TPST1: variants seen among roughly 807,000 people sequenced by gnomAD.
TPST1 encodes protein-tyrosine sulfotransferase 1.
TPST1 carries 20 observed loss-of-function variants against 34.8 expected under a neutral mutation model. The ratio of observed to expected loss-of-function variants is 0.57; its 90% CI spans 0.40 to 0.84. The LOEUF is 0.84. Ranked by LOEUF, TPST1 falls within the 40% of genes least tolerant of loss-of-function variation. The probability of loss-of-function intolerance (pLI) is 0.00; values close to 1 mark genes in which losing one functional copy is unlikely to be tolerated. For synonymous variants in TPST1, 152 were observed against 159.4 expected (o/e 0.95, Z 0.35); for missense variants, 353 against 455.5 (o/e 0.78, Z 2.05).
At chr7:66,241,714 A>G (rs1255020200) in intron 2 of TPST1, among the ~76,000 whole-genome samples, 1 of 152,242 alleles carries the variant, frequency 6.6e-6, no homozygotes, top group African/African-American at 2.4e-5. Flanking sequence ...TAATGAGCAC[A>G]TAGTGAATTA....
At position 66,233,754 on chromosome 7, in the gene TPST1, A is replaced by G. The variant is rs141839837; in HGVS notation, c.-101-6571A>G. 4.4e-3 allele frequency among the ~76,000 whole-genome samples: 664 copies of G among 152,302 alleles called. 7 individuals are homozygous for G. Among genetic ancestry groups the G allele is most frequent in the South Asian group, 0.013 (63 of 4,820 alleles). ...CCTGACTACGTCTATCATAAAATTC[A>G]TATCTTTAACTTGACCTACAAGATT... On this transcript the variant is annotated intron_variant, in intron 1 of 5. Coordinates refer to ENST00000304842, the MANE Select transcript of TPST1 (RefSeq NM_003596.4).
intron 2 of TPST1, among the ~76,000 whole-genome samples, chr7:66,283,376 G>C (rs974651714): frequency 6.6e-5 from 10 of 152,180 alleles, no homozygotes; most frequent in Admixed American, 6.5e-5. Context: ...TTTTTCCTTA[G>C]GATACAGTCC....
chr7:66,354,323 C>T (rs976203052), intron 4 of TPST1, among the ~76,000 whole-genome samples: 1 of 151,934 alleles, frequency 6.6e-6, no homozygotes, highest in South Asian at 2.1e-4. Context: ...AATCCAAAAG[C>T]GCCCAGGTGC....
chr7:66,221,131 T>TCAAAAAAAAAAAAAAAAAAA (rs1789534514), intron 1 of TPST1, among the ~76,000 whole-genome samples: 1 of 141,820 alleles, frequency 7.1e-6, no homozygotes. Context: ...AGACTCCGTC[T>TCAAAAAAAAAAAAAAAAAAA]TAAAAAAAAA....
intron 2 of TPST1, among the ~76,000 whole-genome samples, chr7:66,273,997 CTTTTCTTTTTT>C (rs1243136723): frequency 6.6e-6 from 1 of 151,490 alleles, no homozygotes; most frequent in East Asian, 2.0e-4. Context: ...TTTTTTCTTT[CTTTTCTTTTTT>C]TTTTCTTTGG....
Position 66,286,638 on chromosome 7 carries a change from G to A in TPST1, c.973G>A (p.Gly325Arg). The change falls in exon 3 of 6, where the codon GGA becomes AGA. Residue 325 changes from glycine (G) to arginine (R), a missense_variant. Gly to Arg is a moderately radical substitution (Grantham distance 125). Transcript: ENST00000304842. ...AVIAPMLAKL[G>R]YDPYANPPNY... ...GATTGCTCCTATGCTTGCCAAGCTT[G>A]GATATGACCCATATGCCAACCCACC... 1 of 1,607,480 alleles carries A rather than the reference G, an allele frequency of 6.2e-7. No individual in the cohort carries two copies.
At chr7:66,320,737 TACAG>T (rs1284168780) in intron 3 of TPST1, among the ~76,000 whole-genome samples, 1 of 151,920 alleles carries the variant, frequency 6.6e-6, no homozygotes, top group Non-Finnish European at 1.5e-5. Flanking sequence ...TAGCTGGTAT[TACAG>T]ACATGTGCCA....
intron 3 of TPST1, among the ~76,000 whole-genome samples, chr7:66,345,156 G>A (rs1450046967): frequency 3.3e-5 from 5 of 152,016 alleles, no homozygotes; most frequent in Admixed American, 6.6e-5. Flanking sequence ...ACTAAAGACA[G>A]ATGCCAAACC....
chr7:66,314,283 C>G (rs1220456855), intron 3 of TPST1, among the ~76,000 whole-genome samples: 1 of 152,102 alleles, frequency 6.6e-6, no homozygotes, highest in Non-Finnish European at 1.5e-5. Flanking sequence ...GCCTATGATC[C>G]CAACACTTTG....
At chr7:66,223,873 C>G (rs940549751) in intron 1 of TPST1, among the ~76,000 whole-genome samples, 7 of 152,172 alleles carry the variant, frequency 4.6e-5, no homozygotes, top group African/African-American at 1.7e-4. Flanking sequence ...TGAAGCAAAG[C>G]CGAGACATCA....
intron 2 of TPST1, among the ~76,000 whole-genome samples, chr7:66,271,873 A>C (rs1790711340): frequency 6.6e-6 from 1 of 152,232 alleles, no homozygotes; most frequent in East Asian, 1.9e-4. Context: ...TAAAAATTCT[A>C]AAAAGAGAAT....
intron 3 of TPST1, among the ~76,000 whole-genome samples, chr7:66,335,720 T>C (rs1388617759): frequency 6.6e-6 from 1 of 152,194 alleles, no homozygotes; most frequent in African/African-American, 2.4e-5. Flanking sequence ...TTTAGTGCAG[T>C]GTTTCAGTTC....
intron 3 of TPST1, among the ~76,000 whole-genome samples, chr7:66,341,594 A>T (rs1398899148): frequency 1.3e-5 from 2 of 152,200 alleles, no homozygotes; most frequent in African/African-American, 4.8e-5. Flanking sequence ...CTACAAAATT[A>T]TACTTGGAGA....
intron 3 of TPST1, among the ~76,000 whole-genome samples, chr7:66,328,010 C>T (rs1229878213): frequency 5.1e-3 from 289 of 56,874 alleles, no homozygotes; most frequent in Middle Eastern, 0.043. Context: ...TTTTTCCTTT[C>T]CTTTTTTTTT....
intron 3 of TPST1, among the ~76,000 whole-genome samples, chr7:66,350,786 G>A (rs1792461474): frequency 6.6e-6 from 1 of 152,038 alleles, no homozygotes; most frequent in Non-Finnish European, 1.5e-5. Flanking sequence ...CTTCTTCCTA[G>A]TGGATTGCTT....
chr7:66,199,150 G>GA, the TPST1 span, among the ~76,000 whole-genome samples: 1 of 152,144 alleles, frequency 6.6e-6, no homozygotes, highest in Non-Finnish European at 1.5e-5. Context: ...CCGGCTCCTG[G>GA]CTCCCGTGCC....
At chr7:66,341,646 A>C (rs559448947) in intron 3 of TPST1, among the ~76,000 whole-genome samples, 1 of 152,154 alleles carries the variant, frequency 6.6e-6, no homozygotes, top group African/African-American at 2.4e-5. Context: ...ACCCATAATT[A>C]TACTCAACTC....
At chr7:66,344,722 T>A (rs1247665658) in intron 3 of TPST1, among the ~76,000 whole-genome samples, 3 of 117,364 alleles carry the variant, frequency 2.6e-5, no homozygotes, top group Non-Finnish European at 3.7e-5. Context: ...ACATTTCTAA[T>A]TTTTTTTTTT....
At chr7:66,243,997 G>A (rs1315327525) in intron 2 of TPST1, among the ~76,000 whole-genome samples, 3 of 146,154 alleles carry the variant, frequency 2.1e-5, no homozygotes, top group East Asian at 4.0e-4. Context: ...CGCCCAGGCT[G>A]GAGTGCAGTG....
Sources: allele counts gnomAD v4.1 joint callset (sites outside exome capture counted in the v4.1 genomes callset), GRCh38; gene constraint gnomAD v4.1.1; transcripts MANE v1.5; gene names NCBI Gene and HGNC (gene_info 2026-07-23, HGNC 2026-07-21).